Variants in RYR3 observed in about 807,000 individuals in gnomAD.
RYR3 encodes the protein ryanodine receptor 3.
Under a neutral mutation model 584.3 loss-of-function variants are expected in RYR3, and 207 were observed. That is an observed-to-expected ratio of 0.35 (90% confidence interval 0.32 to 0.40). The LOEUF (loss-of-function observed/expected upper bound fraction) is 0.40, where lower values mean the gene tolerates loss of function less well. RYR3 is among the 10% of genes least tolerant of loss of function. The probability of loss-of-function intolerance (pLI) is 1.00; values close to 1 mark genes in which losing one functional copy is unlikely to be tolerated. For synonymous variants in RYR3, 2,416 were observed against 2,248.5 expected, an observed-to-expected ratio of 1.07 and a Z score of -2.11; for missense variants, 5,616 against 6,089.2, an observed-to-expected ratio of 0.92 and a Z score of 2.59.
Position 33,755,673 on chromosome 15 carries a change from C to A in RYR3, c.8515+493C>A, listed in dbSNP as rs545812627. On this transcript the variant is annotated intron_variant, in intron 58 of 103. Transcript: ENST00000634891. ...AGTTTTTATAGTGGACTTGATTGAA[C>A]CTTTTGTCATTTTTTCGCACAACTT... 4.6e-5 allele frequency among the ~76,000 whole-genome samples: 7 copies of A among 152,306 alleles called. No individual in the cohort carries two copies. The East Asian group carries it at 1.4e-3, about 29-fold the overall frequency.
intron 39 of RYR3, among the ~76,000 whole-genome samples, 195 bp from the exon 40 acceptor site, chr15:33,697,687 G>A (rs766356128): frequency 1.6e-4 from 24 of 152,174 alleles, no homozygotes; most frequent in Non-Finnish European, 2.8e-4. Context: ...TAGAAATAGA[G>A]GAGCACAGAA....
At chr15:33,731,360 TG>T in intron 47 of RYR3, 113 bp from the exon 48 acceptor site, 1 of 689,966 alleles carries the variant, frequency 1.4e-6, no homozygotes. Context: ...TGCCTTGCTA[TG>T]CAACGTGGAC....
chr15:33,684,268 C>G (rs2152744948), intron 38 of RYR3, among the ~76,000 whole-genome samples: 1 of 152,278 alleles, frequency 6.6e-6, no homozygotes, highest in Admixed American at 6.5e-5. Flanking sequence ...GCAGGGTGCC[C>G]CTCTGGGATG....
At chr15:33,589,874 A>G (rs983362095) in intron 16 of RYR3, among the ~76,000 whole-genome samples, 5 of 152,206 alleles carry the variant, frequency 3.3e-5, no homozygotes, top group African/African-American at 9.6e-5. Context: ...GCCTTGTAGT[A>G]TAATTTGAGG....
In RYR3 at chr15:33,382,319, C is replaced by CTTTTTTTTTTTTTTTTTTTT. The variant is rs34767570; in HGVS notation, c.51+71226_51+71245dup. ...CAGGAACTGCTAATTTTAAAAGTGG[C>CTTTTTTTTTTTTTTTTTTTT]TTTTTTTTTTTTTTTTTTTTTTGAG... On this transcript the variant is annotated intron_variant, in intron 1 of 103. Coordinates refer to ENST00000634891, the MANE Select transcript of RYR3 (RefSeq NM_001036.6). Among the ~76,000 whole-genome samples, 3 of 104,780 alleles carry CTTTTTTTTTTTTTTTTTTTT rather than the reference C, an allele frequency of 2.9e-5. 1 individual carries two copies. Among genetic ancestry groups the CTTTTTTTTTTTTTTTTTTTT allele is most frequent in the African/African-American group, 1.2e-4 (3 of 24,678 alleles). The allele number at this position is 104,780 out of a possible 152,430, so 68.7% of individuals were successfully genotyped here.
chr15:33,512,853 G>A (rs1456112256), intron 3 of RYR3, among the ~76,000 whole-genome samples: 2 of 152,194 alleles, frequency 1.3e-5, no homozygotes, highest in Admixed American at 1.3e-4. Context: ...AGGAGGGATT[G>A]GGGGTGTCTA....
intron 32 of RYR3, 31 bp from the exon 33 acceptor site, chr15:33,659,689 G>A: frequency 1.4e-6 from 2 of 1,476,942 alleles, no homozygotes; most frequent in Non-Finnish European, 1.9e-6. Context: ...TCCAGCTCTG[G>A]GCAAAGCTTT....
At position 33,748,269 on chromosome 15, in the gene RYR3, C is replaced by T. The variant is rs41279216; in HGVS notation, c.8136+9C>T. The T allele has an allele frequency of 1.9e-5, 30 of 1,613,246 alleles. No homozygotes were observed. The highest frequency in any genetic ancestry group is 3.3e-5 in the Admixed American group (2 of 59,946). ...TGTCCCAGGCCAACCAGGTATGACA[C>T]CACACCCAGAGGCCCACGCTGGGCC... On this transcript the variant is annotated intron_variant, in intron 54 of 103. Coordinates refer to ENST00000634891, the MANE Select transcript of RYR3 (RefSeq NM_001036.6).
At chr15:33,824,687 T>G (rs2077282752) in intron 81 of RYR3, among the ~76,000 whole-genome samples, 1 of 152,168 alleles carries the variant, frequency 6.6e-6, no homozygotes, top group Non-Finnish European at 1.5e-5. Context: ...TGTGACTCCT[T>G]AAAAAGAAAA....
At chr15:33,734,327 T>C (rs2069215476) in intron 48 of RYR3, among the ~76,000 whole-genome samples, 1 of 152,224 alleles carries the variant, frequency 6.6e-6, no homozygotes, top group Non-Finnish European at 1.5e-5. Context: ...CAGGAATTAA[T>C]AAGGTACCTA....
chr15:33,336,669 C>T (rs1327324672), intron 1 of RYR3, among the ~76,000 whole-genome samples: 1 of 151,690 alleles, frequency 6.6e-6, no homozygotes, highest in Non-Finnish European at 1.5e-5. Context: ...TGATCCAGCA[C>T]AGGTGAGCTC....
At chr15:33,780,835 T>G (rs572927873) in intron 65 of RYR3, among the ~76,000 whole-genome samples, 1 of 152,332 alleles carries the variant, frequency 6.6e-6, no homozygotes, top group East Asian at 1.9e-4. Flanking sequence ...GAAGAGAAAG[T>G]GTACAAGAAA....
intron 88 of RYR3, 55 bp downstream of exon 88, chr15:33,837,042 T>C: frequency 7.5e-7 from 1 of 1,340,848 alleles, no homozygotes; most frequent in Admixed American, 1.8e-5. Flanking sequence ...GTCTGAGCAC[T>C]AACCTTACTG....
chr15:33,369,207 C>A (rs1021052563), intron 1 of RYR3, among the ~76,000 whole-genome samples: 4 of 152,190 alleles, frequency 2.6e-5, no homozygotes, highest in African/African-American at 9.7e-5. Context: ...CAGAACCAGG[C>A]AGCCTGGCTC....
chr15:33,355,485 A>C (rs1310331229), intron 1 of RYR3, among the ~76,000 whole-genome samples: 3 of 152,140 alleles, frequency 2.0e-5, no homozygotes, highest in Non-Finnish European at 4.4e-5. Flanking sequence ...AGGTTGAAAA[A>C]CTTTAAGGTG....
At chr15:33,654,859 C>G (rs2062730721) in intron 32 of RYR3, among the ~76,000 whole-genome samples, 1 of 152,254 alleles carries the variant, frequency 6.6e-6, no homozygotes, top group African/African-American at 2.4e-5. Flanking sequence ...CCTCAGGTTA[C>G]AGCCTTCAGG....
intron 57 of RYR3, among the ~76,000 whole-genome samples, chr15:33,752,145 G>T (rs1410094940): frequency 6.6e-6 from 1 of 152,200 alleles, no homozygotes; most frequent in Non-Finnish European, 1.5e-5. Context: ...TTGTAGTATA[G>T]TTTGAAGTCA....
chr15:33,436,689 A>G (rs1312420235), intron 1 of RYR3, among the ~76,000 whole-genome samples: 1 of 151,766 alleles, frequency 6.6e-6, no homozygotes, highest in Non-Finnish European at 1.5e-5. Context: ...TATTTTTAGT[A>G]GAGACGAGGT....
intron 27 of RYR3, among the ~76,000 whole-genome samples, chr15:33,640,802 A>G (rs2061766199): frequency 6.6e-6 from 1 of 152,164 alleles, no homozygotes; most frequent in African/African-American, 2.4e-5. Context: ...TTTCTTCTCA[A>G]ACCTCTTCAG....
Sources: gnomAD v4.1 joint callset for allele counts (sites outside exome capture counted in the v4.1 genomes callset) on GRCh38, gnomAD v4.1.1 for gene constraint, MANE v1.5 for transcripts, NCBI Gene and HGNC (gene_info 2026-07-23, HGNC 2026-07-21) for gene names.